TMEM117: variants seen among roughly 807,000 people sequenced by gnomAD.
The protein encoded by TMEM117 is transmembrane protein 117.
In TMEM117, 27 loss-of-function variants were observed where a neutral mutation model predicts 52.4. The observed-to-expected ratio is 0.51, with a 90% confidence interval of 0.38 to 0.71. The LOEUF is 0.71. TMEM117 is among the 30% of genes least tolerant of loss of function. The pLI is 0.00. For missense variants in TMEM117, 556 were observed against 630.5 expected (o/e 0.88, Z 1.26); for synonymous variants, 215 against 206.3 (o/e 1.04, Z -0.36).
At chr12:44,184,407 G>A (rs1433847110) in intron 4 of TMEM117, among the ~76,000 whole-genome samples, 1 of 152,126 alleles carries the variant, frequency 6.6e-6, no homozygotes, top group African/African-American at 2.4e-5. Flanking sequence ...AGCCCACTGT[G>A]ATCACATAAG....
intron 7 of TMEM117, among the ~76,000 whole-genome samples, chr12:44,381,259 C>A (rs145094133): frequency 5.9e-5 from 9 of 152,300 alleles, no homozygotes; most frequent in African/African-American, 2.2e-4. Context: ...CACACTGGTA[C>A]TTTTAGCCCA....
At chr12:43,983,131 T>C (rs1298916649) in intron 3 of TMEM117, among the ~76,000 whole-genome samples, 1 of 152,180 alleles carries the variant, frequency 6.6e-6, no homozygotes, top group Non-Finnish European at 1.5e-5. Context: ...GCAGCTGTTT[T>C]CTGACATGCT....
intron 3 of TMEM117, among the ~76,000 whole-genome samples, chr12:44,004,082 C>G (rs1284413833): frequency 6.6e-6 from 1 of 152,172 alleles, no homozygotes; most frequent in Non-Finnish European, 1.5e-5. Context: ...TGTTTCTGCT[C>G]AGACACATCT....
At chr12:44,287,742 T>A (rs987093822) in intron 5 of TMEM117, among the ~76,000 whole-genome samples, 4 of 152,250 alleles carry the variant, frequency 2.6e-5, no homozygotes, top group African/African-American at 9.6e-5. Context: ...AAAACTGTCA[T>A]GAGTCAGCCT....
At chr12:44,197,893 T>C (rs1949442468) in intron 4 of TMEM117, among the ~76,000 whole-genome samples, 1 of 152,198 alleles carries the variant, frequency 6.6e-6, no homozygotes, top group Non-Finnish European at 1.5e-5. Flanking sequence ...AATAAGAAGA[T>C]GCATTAATAT....
At chr12:44,143,473 A>T in intron 3 of TMEM117, 52 bp from the exon 4 acceptor site, 1 of 1,424,388 alleles carries the variant, frequency 7.0e-7, no homozygotes, top group Non-Finnish European at 9.7e-7. Flanking sequence ...AGAAAGCCTT[A>T]ACTGTATGAC....
At chr12:44,337,560 C>T (rs1951357805) in intron 6 of TMEM117, among the ~76,000 whole-genome samples, 1 of 151,846 alleles carries the variant, frequency 6.6e-6, no homozygotes, top group Non-Finnish European at 1.5e-5. Context: ...TGACCCACGC[C>T]CTTCATCCTT....
chr12:43,903,888 A>T (rs953649297), intron 2 of TMEM117, among the ~76,000 whole-genome samples: 1 of 152,010 alleles, frequency 6.6e-6, no homozygotes, highest in East Asian at 1.9e-4. Flanking sequence ...CCCTGCCTCA[A>T]TGACTCCTTT....
chr12:44,126,692 G>GA (rs767911180), intron 3 of TMEM117, among the ~76,000 whole-genome samples: 4 of 152,228 alleles, frequency 2.6e-5, no homozygotes, highest in East Asian at 1.9e-4. Context: ...TTTTTAATGG[G>GA]AAAAAATAGG....
At chr12:44,353,114 A>G (rs935883971) in intron 6 of TMEM117, among the ~76,000 whole-genome samples, 76 of 152,106 alleles carry the variant, frequency 5.0e-4, no homozygotes, top group Non-Finnish European at 9.7e-4. Flanking sequence ...GTGTCTGTTC[A>G]TATCCTTTGC....
chr12:44,371,765 A>G (rs1266644647), intron 6 of TMEM117, among the ~76,000 whole-genome samples: 1 of 152,180 alleles, frequency 6.6e-6, no homozygotes, highest in African/African-American at 2.4e-5. Context: ...TATGAATCCA[A>G]GATATCCTGA....
intron 3 of TMEM117, among the ~76,000 whole-genome samples, chr12:44,138,929 T>A (rs1948530714): frequency 6.6e-6 from 1 of 152,176 alleles, no homozygotes; most frequent in South Asian, 2.1e-4. Context: ...ATTTTAAAAA[T>A]CTAGGTTTAG....
intron 6 of TMEM117, among the ~76,000 whole-genome samples, chr12:44,345,023 A>T (rs1241675278): frequency 6.6e-6 from 1 of 151,966 alleles, no homozygotes; most frequent in African/African-American, 2.4e-5. Flanking sequence ...AAGAATCACA[A>T]CAGGGATTTC....
intron 4 of TMEM117, 101 bp downstream of exon 4, chr12:44,143,725 C>A: frequency 1.3e-6 from 1 of 788,114 alleles, no homozygotes; most frequent in Non-Finnish European, 2.0e-6. Context: ...AAAATAATTA[C>A]CTCTCTTTGA....
chr12:43,975,577 G>A (rs892109399), intron 3 of TMEM117, among the ~76,000 whole-genome samples: 4 of 152,156 alleles, frequency 2.6e-5, no homozygotes, highest in East Asian at 1.9e-4. Context: ...AGGCTTTCTC[G>A]CTCCAGAGAA....
In TMEM117 at chr12:43,908,799, A is replaced by C. The variant is rs367579420; in HGVS notation, c.278-35411A>C. 2.0e-5 allele frequency among the ~76,000 whole-genome samples: 3 copies of C among 151,638 alleles called. No homozygotes were observed. In the East Asian group the frequency reaches 6.0e-4, roughly 30 times the overall value. ...ATCAATTCAACAAGAAGAGCTAACT[A>C]TCCTAAATATATATGCACCCAATAC... On this transcript the variant is annotated intron_variant, in intron 2 of 7. Transcript: ENST00000266534.
chr12:44,363,678 C>T (rs1252882555), intron 6 of TMEM117, among the ~76,000 whole-genome samples: 1 of 152,132 alleles, frequency 6.6e-6, no homozygotes, highest in Non-Finnish European at 1.5e-5. Context: ...CAGGTATTTA[C>T]ATTAAAACAC....
At chr12:44,362,781 C>A (rs1951738336) in intron 6 of TMEM117, among the ~76,000 whole-genome samples, 2 of 151,560 alleles carry the variant, frequency 1.3e-5, no homozygotes, top group Non-Finnish European at 2.9e-5. Context: ...CAACTGTGGG[C>A]AAACATCTCT....
chr12:44,352,552 T>A (rs1266748196), intron 6 of TMEM117, among the ~76,000 whole-genome samples: 1 of 152,140 alleles, frequency 6.6e-6, no homozygotes, highest in Non-Finnish European at 1.5e-5. Flanking sequence ...AGTGTTTGGT[T>A]TTTTGTCCCT....
Sources: allele counts gnomAD v4.1 joint callset (sites outside exome capture counted in the v4.1 genomes callset), GRCh38; gene constraint gnomAD v4.1.1; transcripts MANE v1.5; gene names NCBI Gene and HGNC (gene_info 2026-07-23, HGNC 2026-07-21).